The following USP54 variants were observed in gnomAD, a reference collection of about 807,000 sequenced individuals.
USP54 encodes ubiquitin specific peptidase 54, also known as ubiquitin carboxyl-terminal hydrolase 54.
Under a neutral mutation model 170.5 loss-of-function variants are expected in USP54, and 87 were observed. The ratio of observed to expected loss-of-function variants is 0.51; its 90% CI spans 0.43 to 0.61. USP54 has a LOEUF of 0.61. Ranked by LOEUF, USP54 falls within the 20% of genes least tolerant of loss-of-function variation. USP54 has a pLI of 0.00. For missense variants in USP54, 1,786 were observed against 2,047.8 expected, an observed-to-expected ratio of 0.87 and a Z score of 2.47; for synonymous variants, 655 against 742.8, an observed-to-expected ratio of 0.88 and a Z score of 1.92.
chr10:73,589,225 G>C (rs562940999), intron 1 of USP54, among the ~76,000 whole-genome samples: 3 of 152,256 alleles, frequency 2.0e-5, no homozygotes, highest in South Asian at 2.1e-4. Context: ...TCAGTTACAG[G>C]CATAACCAAA....
At chr10:73,515,283 TA>T (rs148394714) in intron 20 of USP54, among the ~76,000 whole-genome samples, 6 of 151,314 alleles carry the variant, frequency 4.0e-5, no homozygotes, top group Admixed American at 1.3e-4. Flanking sequence ...TATCTTTTTT[TA>T]AAAAAAAAGC....
chr10:73,528,596 C>A (rs1192222553), intron 15 of USP54, among the ~76,000 whole-genome samples: 3 of 150,072 alleles, frequency 2.0e-5, no homozygotes, highest in Admixed American at 2.0e-4. Context: ...TGAGATGGAG[C>A]CTTGCTCTGT....
chr10:73,588,133 T>C (rs759624960), intron 1 of USP54, among the ~76,000 whole-genome samples: 2 of 152,096 alleles, frequency 1.3e-5, no homozygotes, highest in African/African-American at 4.8e-5. Context: ...CTATAATTGA[T>C]AGCATAAATC....
chr10:73,563,796 A>G (rs2073663013), intron 4 of USP54, among the ~76,000 whole-genome samples: 1 of 152,036 alleles, frequency 6.6e-6, no homozygotes, highest in Non-Finnish European at 1.5e-5. Flanking sequence ...ATCTTTTGTT[A>G]CATATATATG....
intron 4 of USP54, among the ~76,000 whole-genome samples, chr10:73,555,737 C>T (rs1440666799): frequency 6.6e-6 from 1 of 152,132 alleles, no homozygotes; most frequent in Non-Finnish European, 1.5e-5. Flanking sequence ...ACCACTTACC[C>T]CACAGGAAAA....
In USP54 at chr10:73,619,557, AAG is replaced by A. The variant is rs1007136985; in HGVS notation, c.-18+6008_-18+6009del. The stretch of plus-strand genomic sequence containing the variant: ...CAAAAAAAAAAAAAAAGAAAGAAAA[AAG>A]AAAGTTCTCTAGGGAGAACTGCTGG... On this transcript the variant is annotated intron_variant, in intron 1 of 22. Coordinates refer to the USP54 transcript ENST00000339859. Among the ~76,000 whole-genome samples the A allele has an allele frequency of 1.4e-4, 21 of 150,342 alleles. 1 individual carries two copies. Among genetic ancestry groups the A allele is most frequent in the African/African-American group, 5.3e-4 (21 of 39,806 alleles).
At chr10:73,621,513 T>C (rs1318213734) in intron 1 of USP54, among the ~76,000 whole-genome samples, 1 of 144,688 alleles carries the variant, frequency 6.9e-6, no homozygotes, top group Non-Finnish European at 1.5e-5. Flanking sequence ...GGCAGAAGAA[T>C]GGCATGAACC....
chr10:73,600,674 G>C (rs1010665144), intron 1 of USP54, among the ~76,000 whole-genome samples: 1 of 152,222 alleles, frequency 6.6e-6, no homozygotes, highest in Non-Finnish European at 1.5e-5. Context: ...AGCACTTCGG[G>C]AGGCTGAGGC....
intron 4 of USP54, among the ~76,000 whole-genome samples, chr10:73,569,766 A>G (rs1386868277): frequency 4.5e-4 from 65 of 145,364 alleles, no homozygotes; most frequent in African/African-American, 1.5e-3. Flanking sequence ...AAAAAAAAAG[A>G]AAAAAAAAAA....
chr10:73,519,914 C>T lies in USP54; in HGVS notation c.2561G>A (p.Ser854Asn), dbSNP rs1416952924. The change falls in exon 19 of 24, where the codon AGT (serine) becomes AAT (asparagine). Residue 854 changes from serine to asparagine, a missense_variant. Physicochemically the swap from Ser to Asn is conservative, Grantham distance 46. Coordinates refer to ENST00000687698, the MANE Select transcript of USP54 (RefSeq NM_001391956.1). ...CTGCAGGCTCCGTGCTTTTCGAATA[C>T]TGATTTGCAACTTCTTATCGACTAG... ...RALVDKKLQI[S>N]IRKARSLQDR... 1 of 1,613,972 alleles carries T rather than the reference C, an allele frequency of 6.2e-7. No homozygotes were observed. The highest frequency in any genetic ancestry group is 2.2e-5 in the East Asian group (1 of 44,892).
In USP54 at chr10:73,529,746, C is replaced by G; in HGVS notation, c.1994G>C (p.Ser665Thr). 6.2e-7 allele frequency: 1 copy of G among 1,614,014 alleles called. No individual in the cohort carries two copies. The highest frequency in any genetic ancestry group is 8.5e-7 in the Non-Finnish European group (1 of 1,179,904). Reference sequence around the variant, plus strand: ...GACAGGGCTGCTGCTGTTCCTCTCACTGCTTTCATAGCCAGATTCCATTCG... The same window carrying G: ...GACAGGGCTGCTGCTGTTCCTCTCAGTGCTTTCATAGCCAGATTCCATTCG... ...IQRMESGYESSERNSSSPVSL... is the reference protein window; with the variant it reads ...IQRMESGYESTERNSSSPVSL... The change falls in exon 15 of 24, where the codon AGT becomes ACT. Residue 665 changes from serine (S) to threonine (T), a missense_variant. Physicochemically the swap from Ser to Thr is moderately conservative, Grantham distance 58. This residue lies in a region of USP54 where 1,418 missense variants were observed against 1,569.0 expected (regional missense o/e 0.90). Transcript: ENST00000687698.
At chr10:73,508,870 G>A (rs2059680269) in intron 20 of USP54, among the ~76,000 whole-genome samples, 1 of 151,480 alleles carries the variant, frequency 6.6e-6, no homozygotes, top group African/African-American at 2.4e-5. Context: ...GTTTCACCAT[G>A]TTGGCCAGGC....
chr10:73,531,642 T>C (rs898750235), intron 12 of USP54, among the ~76,000 whole-genome samples: 1 of 152,210 alleles, frequency 6.6e-6, no homozygotes, highest in Non-Finnish European at 1.5e-5. Flanking sequence ...AGTTCCAAGC[T>C]TTCCTTAATT....
chr10:73,623,723 C>T (rs2081263584), intron 1 of USP54, among the ~76,000 whole-genome samples: 1 of 152,192 alleles, frequency 6.6e-6, no homozygotes, highest in African/African-American at 2.4e-5. Flanking sequence ...AACCTTGTCT[C>T]ATACTTTCAT....
intron 3 of USP54, among the ~76,000 whole-genome samples, chr10:73,572,312 A>G (rs1048112417): frequency 6.6e-6 from 1 of 152,232 alleles, no homozygotes; most frequent in Non-Finnish European, 1.5e-5. Context: ...TAAATGTGGT[A>G]TCCTGGATGA....
chr10:73,512,878 A>C (rs2060432979), intron 20 of USP54, among the ~76,000 whole-genome samples: 1 of 152,146 alleles, frequency 6.6e-6, no homozygotes, highest in Non-Finnish European at 1.5e-5. Context: ...CATTCAAATT[A>C]GTCAGGTATG....
intron 1 of USP54, chr10:73,624,392 G>GA (rs1198211297): frequency 7.2e-6 from 1 of 139,264 alleles, no homozygotes; most frequent in African/African-American, 2.6e-5. Context: ...TAGAGACGGG[G>GA]GGGGGGGGTT....
At chr10:73,624,274 T>G (rs1367588858) in intron 1 of USP54, among the ~76,000 whole-genome samples, 1 of 146,094 alleles carries the variant, frequency 6.8e-6, no homozygotes. Context: ...CTCGGCTTAC[T>G]GCAACCTTCC....
Position 73,505,401 on chromosome 10 carries a change from C to T in USP54, c.4077G>A (p.Arg1359=). Residue 1359 remains arginine, a synonymous_variant, in exon 21 of 24, where the codon AGG becomes AGA. Transcript: ENST00000687698. ...QTGSADGMGR[R]LHSAHDPGLS... ...GACCAGGATCATGGGCTGAGTGCAA[C>T]CTCCTCCCCATGCCATCTGCAGAGC... is the stretch of plus-strand genomic sequence containing the variant. 1 of 1,614,126 alleles carries T rather than the reference C, an allele frequency of 6.2e-7. No individual in the cohort carries two copies. The highest frequency in any genetic ancestry group is 8.5e-7 in the Non-Finnish European group (1 of 1,180,012).
Sources: gnomAD v4.1 joint callset for allele counts (sites outside exome capture counted in the v4.1 genomes callset) on GRCh38, gnomAD v4.1.1 for gene constraint, gnomAD v4.1.1 regional missense constraint, MANE v1.5 for transcripts, NCBI Gene and HGNC (gene_info 2026-07-23, HGNC 2026-07-21) for gene names.